Variants in WWOX observed in about 807,000 individuals in gnomAD.
WWOX encodes the protein WW domain containing oxidoreductase.
WWOX carries 69 observed loss-of-function variants against 46.2 expected under a neutral mutation model. That is an observed-to-expected ratio of 1.49 (90% CI 1.23 to 1.82). The LOEUF (loss-of-function observed/expected upper bound fraction) is 1.82. Among genes scored for constraint, WWOX ranks in the 40% most tolerant of loss-of-function variants. The pLI, the probability that WWOX is intolerant of heterozygous loss-of-function variation, is 0.00. For synonymous variants in WWOX, 359 were observed against 202.6 expected, an observed-to-expected ratio of 1.77 and a Z score of -6.56; for missense variants, 919 against 542.6, an observed-to-expected ratio of 1.69 and a Z score of -6.89.
intron 6 of WWOX, among the ~76,000 whole-genome samples, chr16:78,403,201 T>C (rs2082453242): frequency 6.6e-6 from 1 of 152,200 alleles, no homozygotes; most frequent in South Asian, 2.1e-4. Flanking sequence ...CCCAAACAAT[T>C]TTTTTCTTAT....
At chr16:79,161,080 A>C (rs2050477662) in intron 8 of WWOX, among the ~76,000 whole-genome samples, 1 of 152,152 alleles carries the variant, frequency 6.6e-6, no homozygotes, top group South Asian at 2.1e-4. Context: ...CCGCACAAAC[A>C]CCTCTAGGTA....
intron 8 of WWOX, among the ~76,000 whole-genome samples, chr16:79,111,452 A>C (rs927985549): frequency 6.6e-6 from 1 of 152,082 alleles, no homozygotes; most frequent in African/African-American, 2.4e-5. Context: ...ATTGTTTAGG[A>C]CTGAAAATGT....
chr16:78,600,407 G>A (rs2045594382), intron 8 of WWOX, among the ~76,000 whole-genome samples: 1 of 152,148 alleles, frequency 6.6e-6, no homozygotes, highest in African/African-American at 2.4e-5. Flanking sequence ...TTGTTACTGG[G>A]TTGTTTCCAA....
At chr16:78,971,855 T>A (rs1214943874) in intron 8 of WWOX, among the ~76,000 whole-genome samples, 1 of 152,154 alleles carries the variant, frequency 6.6e-6, no homozygotes, top group Non-Finnish European at 1.5e-5. Flanking sequence ...AGTTCATTTT[T>A]CTTCCTGGGA....
At chr16:78,908,318 T>C (rs1391673235) in intron 8 of WWOX, among the ~76,000 whole-genome samples, 1 of 152,070 alleles carries the variant, frequency 6.6e-6, no homozygotes, top group East Asian at 1.9e-4. Context: ...GGAGGGTGGT[T>C]CAACTGAGGT....
chr16:78,580,093 A>AGACC (rs2045011468), intron 8 of WWOX, among the ~76,000 whole-genome samples: 1 of 136,738 alleles, frequency 7.3e-6, no homozygotes, highest in African/African-American at 2.8e-5. Context: ...TTTTTTTTTG[A>AGACC]GACCGAGTCT....
intron 8 of WWOX, among the ~76,000 whole-genome samples, chr16:78,725,843 G>T (rs1311465238): frequency 6.6e-6 from 1 of 151,906 alleles, no homozygotes; most frequent in African/African-American, 2.4e-5. Flanking sequence ...TGGCTTGTAG[G>T]TGCATCACTC....
In WWOX at chr16:78,358,376, A is replaced by G. The variant is rs780306989; in HGVS notation, c.517-28484A>G. 2.3e-4 allele frequency among the ~76,000 whole-genome samples: 35 copies of G among 152,206 alleles called. 1 individual carries two copies. The highest frequency in any genetic ancestry group is 1.8e-4 in the Non-Finnish European group (12 of 68,036). ...TCAATGTTGTAAATATAATAATTATAGCCAAGTGCAGTGGCTTACACCTGT... is the reference window on the plus strand; with the variant it reads ...TCAATGTTGTAAATATAATAATTATGGCCAAGTGCAGTGGCTTACACCTGT... On this transcript the variant is annotated intron_variant, in intron 5 of 8. Transcript: ENST00000566780.
chr16:78,402,032 A>C (rs1011843732), intron 6 of WWOX, among the ~76,000 whole-genome samples: 14 of 152,166 alleles, frequency 9.2e-5, no homozygotes, highest in Non-Finnish European at 4.4e-5. Context: ...CAATTGAGTG[A>C]TTTTTATTAC....
intron 5 of WWOX, among the ~76,000 whole-genome samples, chr16:78,378,974 C>G (rs1052455842): frequency 3.3e-5 from 5 of 152,190 alleles, no homozygotes; most frequent in African/African-American, 1.2e-4. Flanking sequence ...GTGTGGCAGT[C>G]ATGTGACGAC....
intron 4 of WWOX, among the ~76,000 whole-genome samples, chr16:78,139,534 A>G (rs112681193): frequency 1.3e-5 from 2 of 152,190 alleles, no homozygotes; most frequent in African/African-American, 4.8e-5. Flanking sequence ...AATCCCAGCT[A>G]CTCGGGAGGC....
At position 78,109,033 on chromosome 16, in the gene WWOX, G is replaced by A. The variant is rs1163241981; in HGVS notation, c.172+546G>A. On this transcript the variant is annotated intron_variant, in intron 2 of 8. Coordinates refer to ENST00000566780, the MANE Select transcript of WWOX (RefSeq NM_016373.4). ...CAACAAAAACCAGAAAATAATTGAG[G>A]CCTTTGATTCACAGTTTATGATGTT... Among the ~76,000 whole-genome samples the A allele has an allele frequency of 2.0e-5, 3 of 152,072 alleles. No individual in the cohort carries two copies. In the South Asian group the frequency reaches 6.2e-4, roughly 32 times the overall value.
intron 8 of WWOX, among the ~76,000 whole-genome samples, chr16:78,822,693 G>C (rs2051537193): frequency 6.6e-6 from 1 of 152,138 alleles, no homozygotes; most frequent in Admixed American, 6.5e-5. Context: ...CTGGGTGAAA[G>C]CTTTTTATGC....
In WWOX at chr16:78,347,609, T is replaced by C. The variant is rs1024899056; in HGVS notation, c.517-39251T>C. On this transcript the variant is annotated intron_variant, in intron 5 of 8. Coordinates refer to ENST00000566780, the MANE Select transcript of WWOX (RefSeq NM_016373.4). ...AGATACTTGATAAATATTCGTCTAA[T>C]AAATAAATGAACTTGTGTTCTCCAT... is the stretch of plus-strand genomic sequence containing the variant. Among the ~76,000 whole-genome samples the C allele has an allele frequency of 3.3e-5, 4 of 121,148 alleles. 1 individual carries two copies. The highest frequency in any genetic ancestry group is 2.4e-4 in the Admixed American group (3 of 12,386). 79.5% of individuals were successfully genotyped at this position (121,148 alleles called of 152,430 possible). A position where few individuals can be genotyped will look rare whatever the true frequency, so the allele number is the denominator to read the frequency against.
intron 8 of WWOX, among the ~76,000 whole-genome samples, chr16:78,844,612 C>T (rs1409233799): frequency 2.0e-5 from 3 of 151,942 alleles, no homozygotes; most frequent in Non-Finnish European, 1.5e-5. Flanking sequence ...AGAATTCTGG[C>T]AGGGTTATAA....
intron 8 of WWOX, among the ~76,000 whole-genome samples, chr16:78,652,647 G>C (rs1017700697): frequency 1.3e-5 from 2 of 152,144 alleles, no homozygotes; most frequent in East Asian, 1.9e-4. Flanking sequence ...AAGATTCCTC[G>C]ACCACCCATG....
At chr16:78,276,222 C>T (rs2079575221) in intron 5 of WWOX, among the ~76,000 whole-genome samples, 1 of 152,168 alleles carries the variant, frequency 6.6e-6, no homozygotes. Flanking sequence ...CTTACTCTCA[C>T]CAGCTCTTAG....
chr16:78,451,953 C>T (rs986740928), intron 8 of WWOX, among the ~76,000 whole-genome samples: 3 of 152,164 alleles, frequency 2.0e-5, no homozygotes, highest in African/African-American at 7.2e-5. Context: ...TAGTTCAACA[C>T]TGTCTTTTTT....
chr16:79,000,227 G>C (rs578070107), intron 8 of WWOX, among the ~76,000 whole-genome samples: 1 of 152,278 alleles, frequency 6.6e-6, no homozygotes, highest in South Asian at 2.1e-4. Context: ...ATCTCAGAAG[G>C]TTCCAGCTTT....
Sources: allele counts gnomAD v4.1 joint callset (sites outside exome capture counted in the v4.1 genomes callset), GRCh38; gene constraint gnomAD v4.1.1; transcripts MANE v1.5; gene names NCBI Gene and HGNC (gene_info 2026-07-23, HGNC 2026-07-21).